Variants in AP3B1 observed in about 807,000 individuals in gnomAD.
The protein encoded by AP3B1 is adaptor related protein complex 3 subunit beta 1.
In AP3B1, 61 loss-of-function variants were observed where a neutral mutation model predicts 132.5. That is an observed-to-expected ratio of 0.46 (90% CI 0.37 to 0.57). AP3B1 has a LOEUF of 0.57. Ranked by LOEUF, AP3B1 falls within the 20% of genes least tolerant of loss-of-function variation. The pLI is 0.00. For synonymous variants in AP3B1, 388 were observed against 438.3 expected (o/e 0.89, Z 1.43); for missense variants, 1,120 against 1,289.4 (o/e 0.87, Z 2.01).
Position 78,006,167 on chromosome 5 carries a change from G to T in AP3B1, c.3132-3112C>A, listed in dbSNP as rs371004733. 5.3e-5 allele frequency among the ~76,000 whole-genome samples: 8 copies of T among 152,258 alleles called. No individual in the cohort carries two copies. In the East Asian group the frequency reaches 1.5e-3, roughly 29 times the overall value. Reference sequence around the variant, plus strand: ...TTATTTCATTTAATCCTATGAGGCAGGTCACTTTATAGATGAGGCAAGCGA... The same window carrying T: ...TTATTTCATTTAATCCTATGAGGCATGTCACTTTATAGATGAGGCAAGCGA... On this transcript the variant is annotated intron_variant, in intron 26 of 26. Coordinates refer to ENST00000255194, the MANE Select transcript of AP3B1 (RefSeq NM_003664.5).
In AP3B1 at chr5:78,044,832, T is replaced by C. The variant is rs183723993; in HGVS notation, c.2578-5558A>G. 2.4e-4 allele frequency among the ~76,000 whole-genome samples: 37 copies of C among 152,250 alleles called. No individual in the cohort carries two copies. In the East Asian group the frequency reaches 6.7e-3, roughly 28 times the overall value. On this transcript the variant is annotated intron_variant, in intron 22 of 26. Transcript: ENST00000255194. ...AAATTCTACAGCTTTATTATAATTA[T>C]CAAAAAATATGTTAAGGGATGAATA...
chr5:78,097,241 G>C (rs1454083862), intron 21 of AP3B1, among the ~76,000 whole-genome samples: 1 of 126,606 alleles, frequency 7.9e-6, no homozygotes, highest in Admixed American at 7.9e-5. Context: ...GAGGTGGGGG[G>C]GTCAGCCCCC....
At chr5:78,164,619 GAAT>G (rs1161469023) in intron 12 of AP3B1, among the ~76,000 whole-genome samples, 2 of 152,018 alleles carry the variant, frequency 1.3e-5, no homozygotes, top group Non-Finnish European at 2.9e-5. Context: ...TAAGATTACT[GAAT>G]AATAACATAA....
chr5:78,118,244 G>T (rs1751952143), intron 17 of AP3B1, among the ~76,000 whole-genome samples: 1 of 152,230 alleles, frequency 6.6e-6, no homozygotes, highest in Admixed American at 6.5e-5. Flanking sequence ...CCGGTCTACA[G>T]CTCCCAGCGT....
At chr5:78,258,483 A>G (rs377192775) in intron 2 of AP3B1, among the ~76,000 whole-genome samples, 98 of 152,324 alleles carry the variant, frequency 6.4e-4, no homozygotes, top group African/African-American at 2.3e-3. Flanking sequence ...AACTATAATG[A>G]GTTATCATCT....
intron 8 of AP3B1, among the ~76,000 whole-genome samples, chr5:78,181,018 C>T (rs540573160): frequency 1.2e-4 from 18 of 152,070 alleles, no homozygotes; most frequent in African/African-American, 4.3e-4. Context: ...ATATGTGAGG[C>T]ATTACCTTTG....
chr5:78,129,236 T>C lies in AP3B1; in HGVS notation c.1722A>G (p.Thr574=), dbSNP rs754956851. 2 of 1,613,342 alleles carry C rather than the reference T, an allele frequency of 1.2e-6. No individual in the cohort carries two copies. Among genetic ancestry groups the C allele is most frequent in the Admixed American group, 1.7e-5 (1 of 59,988 alleles). The change falls in exon 16 of 27, where the codon ACA becomes ACG. Residue 574 remains threonine (T), a synonymous_variant. Coordinates refer to ENST00000255194, the MANE Select transcript of AP3B1 (RefSeq NM_003664.5). ...YDQNYDIRDR[T]RFIRQLIVPN... ...GAACAATAAGCTGCCTAATAAATCT[T>C]GTACGGTCTCTGATGTCGTAGTTTT... is the stretch of plus-strand genomic sequence containing the variant.
chr5:78,268,377 T>C (rs1393416564), intron 1 of AP3B1, among the ~76,000 whole-genome samples: 1 of 151,644 alleles, frequency 6.6e-6, no homozygotes, highest in Non-Finnish European at 1.5e-5. Context: ...AAAGAAACCT[T>C]AAAAAAATCT....
intron 1 of AP3B1, among the ~76,000 whole-genome samples, chr5:78,282,414 C>T (rs548499276): frequency 1.3e-5 from 2 of 151,430 alleles, no homozygotes; most frequent in East Asian, 3.9e-4. Context: ...ACACTTTTTA[C>T]TCCTTTGTAC....
At chr5:78,270,047 G>T (rs569985413) in intron 1 of AP3B1, among the ~76,000 whole-genome samples, 187 of 152,058 alleles carry the variant, frequency 1.2e-3, no homozygotes, top group African/African-American at 4.3e-3. Flanking sequence ...TGAGTAGCTG[G>T]GATTACAGGA....
At chr5:78,160,309 T>G (rs1743337893) in intron 13 of AP3B1, among the ~76,000 whole-genome samples, 1 of 152,184 alleles carries the variant, frequency 6.6e-6, no homozygotes, top group Non-Finnish European at 1.5e-5. Context: ...CCTTTTAGTT[T>G]AGAGTAGATG....
At chr5:78,013,540 C>T (rs1381043814) in intron 26 of AP3B1, among the ~76,000 whole-genome samples, 2 of 152,180 alleles carry the variant, frequency 1.3e-5, no homozygotes, top group East Asian at 1.9e-4. Context: ...GGTAAAATTT[C>T]ATACTGAAGA....
At chr5:78,271,945 CAG>C (rs1288350518) in intron 1 of AP3B1, among the ~76,000 whole-genome samples, 2 of 152,202 alleles carry the variant, frequency 1.3e-5, no homozygotes, top group Admixed American at 6.5e-5. Context: ...AGGATCTCTA[CAG>C]AGTTTCCCCT....
intron 15 of AP3B1, among the ~76,000 whole-genome samples, chr5:78,135,546 A>G (rs973617564): frequency 1.3e-5 from 1 of 77,974 alleles, no homozygotes; most frequent in Non-Finnish European, 2.6e-5. Flanking sequence ...TACATTAAAT[A>G]AATAAATAAA....
intron 11 of AP3B1, among the ~76,000 whole-genome samples, chr5:78,173,828 T>C (rs1744028721): frequency 6.6e-6 from 1 of 152,162 alleles, no homozygotes; most frequent in Non-Finnish European, 1.5e-5. Flanking sequence ...ACCAATCAAA[T>C]GCAGATTTGG....
chr5:78,032,386 T>C (rs559351982), intron 24 of AP3B1, among the ~76,000 whole-genome samples: 1 of 152,272 alleles, frequency 6.6e-6, no homozygotes, highest in South Asian at 2.1e-4. Context: ...TATCAGCCAT[T>C]CTTGTTTCTT....
At chr5:78,241,016 A>G (rs1747110446) in intron 2 of AP3B1, 80 bp from the exon 3 acceptor site, 3 of 984,598 alleles carry the variant, frequency 3.0e-6, no homozygotes, top group African/African-American at 3.3e-5. Flanking sequence ...CAAATAAGCT[A>G]CGTAATTAAC....
chr5:78,239,054 C>T (rs1272163795), intron 3 of AP3B1, among the ~76,000 whole-genome samples: 1 of 151,420 alleles, frequency 6.6e-6, no homozygotes, highest in African/African-American at 2.4e-5. Flanking sequence ...AACATATTAA[C>T]AAAAATAAAG....
chr5:78,202,024 G>A (rs377701724), intron 7 of AP3B1, among the ~76,000 whole-genome samples: 23 of 152,220 alleles, frequency 1.5e-4, no homozygotes, highest in African/African-American at 5.3e-4. Context: ...GCCATGTGTC[G>A]TGGGAGGAAC....
Sources: allele counts gnomAD v4.1 joint callset (sites outside exome capture counted in the v4.1 genomes callset), GRCh38; gene constraint gnomAD v4.1.1; transcripts MANE v1.5; gene names NCBI Gene and HGNC (gene_info 2026-07-23, HGNC 2026-07-21).